Variants in USP13 observed in about 807,000 individuals in gnomAD.
USP13 encodes the protein ubiquitin specific peptidase 13.
Under a neutral mutation model 107.8 loss-of-function variants are expected in USP13, and 68 were observed. The ratio of observed to expected loss-of-function variants is 0.63; its 90% CI spans 0.52 to 0.77. USP13 has a LOEUF of 0.77. Ranked by LOEUF, USP13 falls within the 30% of genes least tolerant of loss-of-function variation. The pLI is 0.00. For synonymous variants in USP13, 377 were observed against 389.5 expected (o/e 0.97, Z 0.38); for missense variants, 945 against 1,093.3 (o/e 0.86, Z 1.91).
In USP13 at chr3:179,742,250, A is replaced by G; in HGVS notation, c.1434A>G (p.Glu478=). ...NPSDVFRFLV[E]ERIQCCQTRK... is the part of the protein sequence containing the mutation. ...GCGATGTTTTTCGTTTTTTGGTGGAAGAACGCATTCAGTGCTGTCAGACCC... is the reference window on the plus strand; with the variant it reads ...GCGATGTTTTTCGTTTTTTGGTGGAGGAACGCATTCAGTGCTGTCAGACCC... Residue 478 remains glutamate (E), a synonymous_variant, in exon 12 of 21, where the codon GAA becomes GAG. Coordinates refer to ENST00000263966, the MANE Select transcript of USP13 (RefSeq NM_003940.3). The surrounding 1 kb of genome is among the most constrained non-coding windows in gnomAD (Gnocchi z 5.0). 1 of 1,614,250 alleles carries G rather than the reference A, an allele frequency of 6.2e-7. No individual in the cohort carries two copies. Among genetic ancestry groups the G allele is most frequent in the Non-Finnish European group, 8.5e-7 (1 of 1,180,042 alleles).
intron 15 of USP13, among the ~76,000 whole-genome samples, chr3:179,755,549 C>T (rs1464069296): frequency 1.3e-5 from 2 of 152,232 alleles, no homozygotes; most frequent in African/African-American, 4.8e-5. Context: ...CTGCCCGCCT[C>T]AGCCTCCCAA....
chr3:179,759,954 G>A (rs1714945373), intron 16 of USP13, among the ~76,000 whole-genome samples: 1 of 152,104 alleles, frequency 6.6e-6, no homozygotes, highest in Admixed American at 6.5e-5. Flanking sequence ...TTACAGGCGT[G>A]AGCCACTGCA....
At chr3:179,736,017 G>A (rs919002636) in intron 10 of USP13, among the ~76,000 whole-genome samples, 1 of 152,156 alleles carries the variant, frequency 6.6e-6, no homozygotes, top group Non-Finnish European at 1.5e-5. Context: ...TCCAGCCTGG[G>A]CAACAGCAAA....
chr3:179,700,096 G>A (rs534942912), intron 3 of USP13, among the ~76,000 whole-genome samples: 19 of 152,164 alleles, frequency 1.2e-4, no homozygotes, highest in African/African-American at 4.6e-4. Context: ...TGAAAGTGAT[G>A]CTGAAATGTC....
Position 179,719,935 on chromosome 3 carries a change from G to T in USP13, c.806-5G>T, listed in dbSNP as rs764521644. ...TGCAGTGCTTATTTTCTCTTCATCC[G>T]CTAGATGTTTATTCTTTTCAAGAAG... On this transcript the variant is annotated splice_region_variant and splice_polypyrimidine_tract_variant and intron_variant, in intron 6 of 20. Transcript: ENST00000263966. The T allele has an allele frequency of 6.2e-7, 1 of 1,611,796 alleles. No individual in the cohort carries two copies. The highest frequency in any genetic ancestry group is 8.5e-7 in the Non-Finnish European group (1 of 1,178,546).
At chr3:179,679,522 A>G (rs923691450) in intron 1 of USP13, among the ~76,000 whole-genome samples, 28 of 152,226 alleles carry the variant, frequency 1.8e-4, no homozygotes, top group African/African-American at 6.7e-4. Context: ...GCTTAAGAAA[A>G]TCCACTTCCT....
intron 8 of USP13, among the ~76,000 whole-genome samples, chr3:179,728,485 C>T (rs1357264666): frequency 1.3e-5 from 2 of 150,286 alleles, no homozygotes; most frequent in Non-Finnish European, 3.0e-5. Flanking sequence ...AGAGACGCTC[C>T]TCACTTTCCA....
intron 2 of USP13, among the ~76,000 whole-genome samples, chr3:179,686,983 T>G (rs1451275720): frequency 6.6e-6 from 1 of 152,260 alleles, no homozygotes; most frequent in African/African-American, 2.4e-5. Context: ...AGGATGCCAT[T>G]TGGCCATCCT....
chr3:179,655,974 G>A (rs1434743978), intron 1 of USP13, among the ~76,000 whole-genome samples: 1 of 152,216 alleles, frequency 6.6e-6, no homozygotes, highest in East Asian at 1.9e-4. Context: ...ATCCATTGGT[G>A]CTAAACACGC....
In USP13 at chr3:179,721,800, A is replaced by C. The variant is rs983447000; in HGVS notation, c.1088+211A>C. On this transcript the variant is annotated intron_variant, in intron 8 of 20. Transcript: ENST00000263966. The surrounding 1 kb of genome is among the most constrained non-coding windows in gnomAD (Gnocchi z 4.3). ...TAAGAAGAGCTTTGTGGCCGGGCGCAGTGTCTAACGCCTGTAATCTCAGCA... is the reference window on the plus strand; with the variant it reads ...TAAGAAGAGCTTTGTGGCCGGGCGCCGTGTCTAACGCCTGTAATCTCAGCA... Among the ~76,000 whole-genome samples the C allele has an allele frequency of 1.3e-5, 2 of 152,130 alleles. No homozygotes were observed. The highest frequency in any genetic ancestry group is 4.8e-5 in the African/African-American group (2 of 41,406).
chr3:179,784,233 A>C lies in USP13; in HGVS notation c.*92A>C, dbSNP rs193041153. ...GAAGAAGAAGTTGAAACAACTAGAC[A>C]TGAAGGAATATATGGGGTATTTATC... On this transcript the variant is annotated 3_prime_UTR_variant, in exon 21 of 21. Transcript: ENST00000263966. The C allele has an allele frequency of 1.4e-4, 138 of 986,220 alleles. No homozygotes were observed. In the Admixed American group the frequency reaches 3.2e-3, roughly 23 times the overall value. The allele number at this position is 986,220 out of a possible 1,614,324, so 61.1% of individuals were successfully genotyped here.
chr3:179,681,080 G>T lies in USP13; in HGVS notation c.169-798G>T, dbSNP rs997082822. Among the ~76,000 whole-genome samples the T allele has an allele frequency of 3.3e-5, 5 of 152,232 alleles. No homozygotes were observed. In the East Asian group the frequency reaches 9.6e-4, roughly 29 times the overall value. On this transcript the variant is annotated intron_variant, in intron 1 of 20. Coordinates refer to ENST00000263966, the MANE Select transcript of USP13 (RefSeq NM_003940.3). ...ATGTTTATTTCCTAGAGCCTCTGAG[G>T]TGAGAACCTCACTGTGAACGTAGCC...
At chr3:179,756,421 CAAACAAACAA>C (rs1229234866) in intron 15 of USP13, among the ~76,000 whole-genome samples, 3 of 74,494 alleles carry the variant, frequency 4.0e-5, no homozygotes, top group Non-Finnish European at 8.8e-5. Flanking sequence ...AAAAAACAAA[CAAACAAACAA>C]ACAAACAAAC....
chr3:179,691,087 T>G (rs1712101365), intron 3 of USP13, among the ~76,000 whole-genome samples: 1 of 151,880 alleles, frequency 6.6e-6, no homozygotes, highest in Non-Finnish European at 1.5e-5. Context: ...GAGGATCACT[T>G]GAGCCCAGGA....
chr3:179,685,454 G>A (rs1711835976), intron 2 of USP13, among the ~76,000 whole-genome samples: 1 of 152,008 alleles, frequency 6.6e-6, no homozygotes, highest in African/African-American at 2.4e-5. Flanking sequence ...AGAGCAGGAG[G>A]AAGAGAATGA....
In USP13 at chr3:179,721,096, G is replaced by A. The variant is rs1432637363; in HGVS notation, c.901-306G>A. 2.0e-5 allele frequency among the ~76,000 whole-genome samples: 3 copies of A among 152,008 alleles called. No individual in the cohort carries two copies. Among genetic ancestry groups the A allele is most frequent in the Admixed American group, 6.6e-5 (1 of 15,246 alleles). ...AGTGTTGGGATTACAGGTGTGAACC[G>A]CTGCGCCCGGCCTCTCTTTAAAATC... On this transcript the variant is annotated intron_variant, in intron 7 of 20. Transcript: ENST00000263966. The surrounding 1 kb of genome is among the most constrained non-coding windows in gnomAD (Gnocchi z 4.3).
chr3:179,746,864 C>T (rs1714430997), intron 13 of USP13, among the ~76,000 whole-genome samples: 1 of 152,224 alleles, frequency 6.6e-6, no homozygotes, highest in African/African-American at 2.4e-5. Context: ...CATGTCCGGC[C>T]TCAACCTATA....
intron 5 of USP13, among the ~76,000 whole-genome samples, chr3:179,707,847 G>C (rs1418375545): frequency 6.6e-6 from 1 of 152,114 alleles, no homozygotes; most frequent in African/African-American, 2.4e-5. Flanking sequence ...CCTTCTGTGT[G>C]GTCTTTGGAA....
chr3:179,750,121 T>C (rs1714542532), intron 13 of USP13, among the ~76,000 whole-genome samples: 1 of 151,328 alleles, frequency 6.6e-6, no homozygotes, highest in Non-Finnish European at 1.5e-5. Flanking sequence ...AAAAATTAGC[T>C]GGGCATGGTG....
Sources: allele counts gnomAD v4.1 joint callset (sites outside exome capture counted in the v4.1 genomes callset), GRCh38; gene constraint gnomAD v4.1.1; non-coding constraint Gnocchi (gnomAD v3.1); transcripts MANE v1.5; gene names NCBI Gene and HGNC (gene_info 2026-07-23, HGNC 2026-07-21).